FAF1: variants seen among roughly 807,000 people sequenced by gnomAD.
The protein encoded by FAF1 is Fas associated factor 1, also known as FAS-associated factor 1.
FAF1 carries 25 observed loss-of-function variants against 92.5 expected under a neutral mutation model. That is an observed-to-expected ratio of 0.27 (90% CI 0.20 to 0.38). The LOEUF (loss-of-function observed/expected upper bound fraction) is 0.38. FAF1 is among the 10% of genes least tolerant of loss of function. The pLI is 1.00. For missense variants in FAF1, 636 were observed against 793.3 expected, an observed-to-expected ratio of 0.80 and a Z score of 2.38; for synonymous variants, 234 against 273.2, an observed-to-expected ratio of 0.86 and a Z score of 1.42.
At chr1:50,514,451 T>C (rs1365303673) in intron 15 of FAF1, among the ~76,000 whole-genome samples, 1 of 152,242 alleles carries the variant, frequency 6.6e-6, no homozygotes, top group Non-Finnish European at 1.5e-5. Context: ...TGACACTCTT[T>C]CAGGTTACTA....
chr1:50,643,656 G>A lies in FAF1; in HGVS notation c.744+11786C>T, dbSNP rs529173933. Among the ~76,000 whole-genome samples the A allele has an allele frequency of 5.3e-5, 8 of 152,214 alleles. No homozygotes were observed. In the South Asian group the frequency reaches 1.2e-3, roughly 24 times the overall value. On this transcript the variant is annotated intron_variant, in intron 8 of 18. Transcript: ENST00000396153. ...CACCCAGGCTAGAGTGCAGTGGCAC[G>A]ATCTCAGCTCACAGCAACCTCCGCC...
At chr1:50,521,262 A>G (rs944976453) in intron 15 of FAF1, among the ~76,000 whole-genome samples, 1 of 152,204 alleles carries the variant, frequency 6.6e-6, no homozygotes, top group Non-Finnish European at 1.5e-5. Context: ...GGTACAATGC[A>G]CATGAAAGTG....
chr1:50,818,440 A>G (rs569845894), intron 2 of FAF1, among the ~76,000 whole-genome samples: 25 of 152,368 alleles, frequency 1.6e-4, no homozygotes, highest in African/African-American at 6.0e-4. Flanking sequence ...AAAGACCAGT[A>G]TACAAATATT....
intron 8 of FAF1, among the ~76,000 whole-genome samples, chr1:50,641,577 A>T (rs1400429098): frequency 6.6e-6 from 1 of 152,240 alleles, no homozygotes; most frequent in Non-Finnish European, 1.5e-5. Context: ...TATTGAGACA[A>T]TAAATAAATA....
chr1:50,727,375 T>C (rs901061479), intron 6 of FAF1, among the ~76,000 whole-genome samples: 3 of 152,212 alleles, frequency 2.0e-5, no homozygotes, highest in Non-Finnish European at 4.4e-5. Flanking sequence ...ACTTAACACA[T>C]TGTAGGATGA....
chr1:50,750,525 C>T (rs910413855), intron 4 of FAF1, among the ~76,000 whole-genome samples: 3 of 152,100 alleles, frequency 2.0e-5, no homozygotes, highest in Non-Finnish European at 2.9e-5. Flanking sequence ...AAAAGCCTGC[C>T]CCTACTCACA....
chr1:50,483,844 A>G (rs1428898092), intron 17 of FAF1, among the ~76,000 whole-genome samples: 1 of 152,184 alleles, frequency 6.6e-6, no homozygotes, highest in Non-Finnish European at 1.5e-5. Flanking sequence ...TGGCTCTAAC[A>G]ACTGGAAAGA....
chr1:50,935,970 G>C (rs1205601300), intron 1 of FAF1, among the ~76,000 whole-genome samples: 1 of 152,080 alleles, frequency 6.6e-6, no homozygotes, highest in Non-Finnish European at 1.5e-5. Flanking sequence ...CAAACCTCAG[G>C]GCACTCAGAC....
intron 7 of FAF1, among the ~76,000 whole-genome samples, chr1:50,672,176 C>G (rs1439757253): frequency 1.3e-5 from 2 of 152,128 alleles, no homozygotes; most frequent in Non-Finnish European, 2.9e-5. Context: ...TCCCAAGTAG[C>G]TGGGATTACA....
chr1:50,641,066 T>C (rs1341708341), intron 8 of FAF1, among the ~76,000 whole-genome samples: 1 of 152,060 alleles, frequency 6.6e-6, no homozygotes, highest in African/African-American at 2.4e-5. Context: ...TCTCTTGACC[T>C]CATGATCCAC....
chr1:50,803,756 C>A (rs1332226678), intron 2 of FAF1, among the ~76,000 whole-genome samples: 2 of 152,054 alleles, frequency 1.3e-5, no homozygotes, highest in African/African-American at 2.4e-5. Context: ...ACTTTTCAAC[C>A]CTTTCCTTTC....
chr1:50,822,197 C>A (rs1266501388), intron 2 of FAF1, among the ~76,000 whole-genome samples: 1 of 151,868 alleles, frequency 6.6e-6, no homozygotes, highest in Non-Finnish European at 1.5e-5. Flanking sequence ...TGTAACCATT[C>A]CACAATCTGT....
chr1:50,873,178 T>C (rs900344021), intron 1 of FAF1, among the ~76,000 whole-genome samples: 1 of 152,186 alleles, frequency 6.6e-6, no homozygotes, highest in Non-Finnish European at 1.5e-5. Context: ...TACATGCTTT[T>C]CTTTTTAAGA....
intron 7 of FAF1, among the ~76,000 whole-genome samples, chr1:50,702,740 A>G (rs1489246329): frequency 2.0e-5 from 3 of 152,164 alleles, no homozygotes; most frequent in African/African-American, 7.2e-5. Flanking sequence ...GCAGACCACA[A>G]AGCCAGAATG....
At chr1:50,452,880 T>A (rs112854770) in intron 18 of FAF1, among the ~76,000 whole-genome samples, 157 of 152,358 alleles carry the variant, frequency 1.0e-3, no homozygotes, top group African/African-American at 3.6e-3. Context: ...ATTTCTCATC[T>A]GTAAGTTGGT....
At chr1:50,538,425 A>G (rs912020723) in intron 14 of FAF1, among the ~76,000 whole-genome samples, 2 of 152,030 alleles carry the variant, frequency 1.3e-5, no homozygotes, top group Admixed American at 1.3e-4. Flanking sequence ...AACTAAATAC[A>G]TGGCAATGAA....
intron 4 of FAF1, among the ~76,000 whole-genome samples, chr1:50,750,193 C>T (rs1659798936): frequency 6.6e-6 from 1 of 152,146 alleles, no homozygotes; most frequent in Non-Finnish European, 1.5e-5. Context: ...CAGTATCCCA[C>T]CCCAGGCCAC....
intron 18 of FAF1, among the ~76,000 whole-genome samples, chr1:50,455,618 C>T (rs996529003): frequency 1.3e-5 from 2 of 152,122 alleles, no homozygotes; most frequent in African/African-American, 4.8e-5. Flanking sequence ...CACAGAATCA[C>T]ATAATATCAG....
chr1:50,784,583 T>C (rs1306571207), intron 4 of FAF1, among the ~76,000 whole-genome samples: 1 of 152,048 alleles, frequency 6.6e-6, no homozygotes, highest in Non-Finnish European at 1.5e-5. Flanking sequence ...GACTGAAAAA[T>C]TTAACATTGT....
Sources: allele counts gnomAD v4.1 joint callset (sites outside exome capture counted in the v4.1 genomes callset), GRCh38; gene constraint gnomAD v4.1.1; transcripts MANE v1.5; gene names NCBI Gene and HGNC (gene_info 2026-07-23, HGNC 2026-07-21).